Variants in KIAA0586 observed in about 807,000 individuals in gnomAD.
KIAA0586 encodes the protein KIAA0586.
KIAA0586 carries 144 observed loss-of-function variants against 169.8 expected under a neutral mutation model. The observed-to-expected ratio is 0.85, with a 90% CI of 0.74 to 0.97. The LOEUF (loss-of-function observed/expected upper bound fraction) is 0.97. Ranked by LOEUF, KIAA0586 falls within the 50% of genes least tolerant of loss-of-function variation. The pLI is 0.00. For missense variants in KIAA0586, 1,854 were observed against 1,823.0 expected, an observed-to-expected ratio of 1.02 and a Z score of -0.31; for synonymous variants, 625 against 612.4, an observed-to-expected ratio of 1.02 and a Z score of -0.30.
chr14:58,482,324 G>A (rs556369869), intron 20 of KIAA0586, among the ~76,000 whole-genome samples, 189 bp from the exon 21 acceptor site: 135 of 152,088 alleles, frequency 8.9e-4, no homozygotes, highest in African/African-American at 3.1e-3. Flanking sequence ...TATTCAGGAG[G>A]CTAAGGCAGG....
intron 14 of KIAA0586, among the ~76,000 whole-genome samples, chr14:58,462,814 A>G (rs1035762190): frequency 1.3e-5 from 2 of 152,176 alleles, no homozygotes; most frequent in Non-Finnish European, 2.9e-5. Flanking sequence ...ACTTAGAGTC[A>G]TGGCGAAGGG....
chr14:58,492,731 G>C (rs938534842), intron 26 of KIAA0586, among the ~76,000 whole-genome samples: 9 of 152,322 alleles, frequency 5.9e-5, no homozygotes, highest in African/African-American at 9.6e-5. Context: ...CCTGAAGTTA[G>C]ATGACACTTC....
chr14:58,439,519 A>G (rs2140496074), intron 4 of KIAA0586, among the ~76,000 whole-genome samples: 1 of 152,176 alleles, frequency 6.6e-6, no homozygotes, highest in East Asian at 1.9e-4. Context: ...AAAATTAGGA[A>G]ATTAGGATAT....
Position 58,473,861 on chromosome 14 carries a change from G to A in KIAA0586, c.2635-746G>A, listed in dbSNP as rs139438915. Among the ~76,000 whole-genome samples the A allele has an allele frequency of 2.7e-4, 41 of 152,040 alleles. No homozygotes were observed. The East Asian group carries it at 7.4e-3, about 27-fold the overall frequency. Reference sequence around the variant, plus strand: ...GTGGAGGTTGCAGTGAGCTGAGATCGCACCATTGGACTCCAGCCTGGGTGA... The same window carrying A: ...GTGGAGGTTGCAGTGAGCTGAGATCACACCATTGGACTCCAGCCTGGGTGA... On this transcript the variant is annotated intron_variant, in intron 18 of 30. Transcript: ENST00000652326.
At chr14:58,538,438 T>C (rs1001360311) in intron 29 of KIAA0586, among the ~76,000 whole-genome samples, 3 of 152,110 alleles carry the variant, frequency 2.0e-5, no homozygotes, top group Non-Finnish European at 4.4e-5. Flanking sequence ...ATAAATTTTT[T>C]TTAATTTTTA....
chr14:58,535,243 C>G (rs1040091523), intron 29 of KIAA0586, among the ~76,000 whole-genome samples: 15 of 152,136 alleles, frequency 9.9e-5, no homozygotes, highest in African/African-American at 3.4e-4. Context: ...GTTTCACAGG[C>G]TGTTCAACTA....
At chr14:58,490,535 T>C (rs896699223) in intron 25 of KIAA0586, among the ~76,000 whole-genome samples, 5 of 152,174 alleles carry the variant, frequency 3.3e-5, no homozygotes, top group African/African-American at 1.2e-4. Context: ...ATGTTGTCTT[T>C]ACAATATTTA....
chr14:58,548,579 T>A lies in KIAA0586; in HGVS notation c.*647T>A, dbSNP rs2047120662. ...TATATAAACAAGAAACTGCTAAGTT[T>A]GTCTCCAGGGAGTAGAATTGTTGGC... is the stretch of plus-strand genomic sequence containing the variant. On this transcript the variant is annotated 3_prime_UTR_variant, in exon 31 of 31. Transcript: ENST00000652326. 2 of 152,194 alleles carry A rather than the reference T, an allele frequency of 1.3e-5. No individual in the cohort carries two copies. Among genetic ancestry groups the A allele is most frequent in the Admixed American group, 1.3e-4 (2 of 15,272 alleles). 9.4% of individuals were successfully genotyped at this position (152,194 alleles called of 1,614,324 possible).
chr14:58,557,901 C>CTTTTTTTTTTTTTTTTTTTTTTTTTT, the KIAA0586 span, among the ~76,000 whole-genome samples: 42 of 42,508 alleles, frequency 9.9e-4, 10 homozygotes, highest in African/African-American at 1.2e-3. Context: ...CCTGAGAAAT[C>CTTTTTTTTTTTTTTTTTTTTTTTTTT]TTTTTTTTTT....
At chr14:58,529,043 A>C (rs1862774950) in intron 29 of KIAA0586, among the ~76,000 whole-genome samples, 1 of 152,190 alleles carries the variant, frequency 6.6e-6, no homozygotes. Context: ...ATTTCACAAA[A>C]ATACAAACCA....
intron 29 of KIAA0586, among the ~76,000 whole-genome samples, chr14:58,526,172 G>C (rs1456323655): frequency 6.6e-6 from 1 of 152,248 alleles, no homozygotes; most frequent in Non-Finnish European, 1.5e-5. Flanking sequence ...GCTCTGAAGA[G>C]AGCAGCAAAT....
chr14:58,466,634 G>T (rs531220340), intron 15 of KIAA0586, among the ~76,000 whole-genome samples: 10 of 152,234 alleles, frequency 6.6e-5, no homozygotes, highest in Non-Finnish European at 1.2e-4. Context: ...GGAGGCTGAA[G>T]CAGGAGAATC....
intron 29 of KIAA0586, among the ~76,000 whole-genome samples, chr14:58,534,988 C>A (rs1173475182): frequency 1.3e-5 from 2 of 152,082 alleles, no homozygotes; most frequent in African/African-American, 4.8e-5. Context: ...ACTGCCAGAC[C>A]CCCAAAGGCC....
Position 58,548,103 on chromosome 14 carries a change from A to G in KIAA0586, c.*171A>G. On this transcript the variant is annotated 3_prime_UTR_variant, in exon 31 of 31. Transcript: ENST00000652326. ...ATTTGGGTATTTAAAGTTTTTAAATAAAATAAGTATAAGTCATTATAAGTC... is the reference window on the plus strand; with the variant it reads ...ATTTGGGTATTTAAAGTTTTTAAATGAAATAAGTATAAGTCATTATAAGTC... The G allele has an allele frequency of 4.0e-6, 3 of 745,300 alleles. No homozygotes were observed. The highest frequency in any genetic ancestry group is 6.3e-6 in the Non-Finnish European group (3 of 478,734). The allele number at this position is 745,300 out of a possible 1,614,324, so 46.2% of individuals were successfully genotyped here. A position where few individuals can be genotyped will look rare whatever the true frequency, so the allele number is the denominator to read the frequency against.
chr14:58,542,260 C>G (rs564392962), intron 30 of KIAA0586, among the ~76,000 whole-genome samples: 1 of 152,144 alleles, frequency 6.6e-6, no homozygotes, highest in African/African-American at 2.4e-5. Flanking sequence ...GGGCAGATCA[C>G]GGGGTCAGGA....
Position 58,428,304 on chromosome 14 carries a change from A to AT in KIAA0586, c.42dup (p.Lys15Ter), listed in dbSNP as rs768591621. On this transcript the variant is annotated frameshift_variant, in exon 1 of 31. Coordinates refer to ENST00000652326, the MANE Select transcript of KIAA0586 (RefSeq NM_001329943.3). LOFTEE classifies it high-confidence loss of function. The stretch of plus-strand genomic sequence containing the variant: ...GGTCAGCTTGGAGAAGAAAAAAAAG[A>AT]TTAAGATGCCAGTGAAGAGACTTCG... 4 of 1,613,930 alleles carry AT rather than the reference A, an allele frequency of 2.5e-6. No individual in the cohort carries two copies. The African/African-American group carries it at 5.3e-5, about 22-fold the overall frequency.
At chr14:58,545,579 T>C (rs1195706082) in intron 30 of KIAA0586, among the ~76,000 whole-genome samples, 2 of 152,228 alleles carry the variant, frequency 1.3e-5, no homozygotes, top group African/African-American at 4.8e-5. Context: ...GACTTAGTTA[T>C]ATCCAGTGTT....
At chr14:58,490,332 G>T in intron 25 of KIAA0586, 92 bp downstream of exon 25, 1 of 604,046 alleles carries the variant, frequency 1.7e-6, no homozygotes, top group South Asian at 2.9e-5. Flanking sequence ...TCAATTTTTT[G>T]AGTTATAGAC....
intron 26 of KIAA0586, among the ~76,000 whole-genome samples, chr14:58,495,237 T>C (rs2043084518): frequency 6.6e-6 from 1 of 152,128 alleles, no homozygotes; most frequent in Admixed American, 6.6e-5. Flanking sequence ...AGCATTTATA[T>C]ATGTATAAAA....
Sources: allele counts gnomAD v4.1 joint callset (sites outside exome capture counted in the v4.1 genomes callset), GRCh38; gene constraint gnomAD v4.1.1; transcripts MANE v1.5; gene names NCBI Gene and HGNC (gene_info 2026-07-23, HGNC 2026-07-21).